FLRT2: variants seen among roughly 807,000 people sequenced by gnomAD.
FLRT2 encodes leucine-rich repeat transmembrane protein FLRT2.
A neutral mutation model predicts 40.0 loss-of-function variants in FLRT2; 15 were observed. That is an observed-to-expected ratio of 0.38 (90% CI 0.25 to 0.58). FLRT2 has a LOEUF of 0.58. Ranked by LOEUF, FLRT2 falls within the 20% of genes least tolerant of loss-of-function variation. FLRT2 has a pLI of 0.71. For missense variants in FLRT2, 726 were observed against 840.0 expected, an observed-to-expected ratio of 0.86 and a Z score of 1.68; for synonymous variants, 380 against 336.8, an observed-to-expected ratio of 1.13 and a Z score of -1.41.
intron 1 of FLRT2, among the ~76,000 whole-genome samples, chr14:85,548,167 C>T (rs919714801): frequency 2.0e-5 from 3 of 152,166 alleles, no homozygotes; most frequent in African/African-American, 7.2e-5. Context: ...GGTGTGTGGC[C>T]TCAACCTACT....
At position 85,535,178 on chromosome 14, in the gene FLRT2, G is replaced by C. The variant is rs1011469837; in HGVS notation, c.-377+4644G>C. Reference sequence around the variant, plus strand: ...AGCTGGGAGGCTCTTTAATCACACAGGGTTTCAGGGCGCTTTGGAGCATGT... The same window carrying C: ...AGCTGGGAGGCTCTTTAATCACACACGGTTTCAGGGCGCTTTGGAGCATGT... On this transcript the variant is annotated intron_variant, in intron 1 of 1. Coordinates refer to ENST00000330753, the MANE Select transcript of FLRT2 (RefSeq NM_013231.6). Among the ~76,000 whole-genome samples the C allele has an allele frequency of 8.5e-5, 13 of 152,186 alleles. 1 individual carries two copies. Among genetic ancestry groups the C allele is most frequent in the African/African-American group, 3.1e-4 (13 of 41,440 alleles).
intron 1 of FLRT2, among the ~76,000 whole-genome samples, chr14:85,561,745 C>A (rs574529351): frequency 9.6e-4 from 146 of 152,270 alleles, no homozygotes; most frequent in African/African-American, 3.4e-3. Context: ...AGAATCGTAC[C>A]AGAAGCCTTT....
chr14:85,626,657 A>T lies in FLRT2; in HGVS notation c.*3160A>T, dbSNP rs1188244026. 6.0e-6 allele frequency: 1 copy of T among 167,126 alleles called. No individual in the cohort carries two copies. Among genetic ancestry groups the T allele is most frequent in the Non-Finnish European group, 1.5e-5 (1 of 68,130 alleles). The allele number at this position is 167,126 out of a possible 1,614,324, so 10.4% of individuals were successfully genotyped here. Reference sequence around the variant, plus strand: ...GTCAGATGCATTAGCAGCCCACTGCATGGGACAATCGCAGGCAGATACGAG... The same window carrying T: ...GTCAGATGCATTAGCAGCCCACTGCTTGGGACAATCGCAGGCAGATACGAG... On this transcript the variant is annotated 3_prime_UTR_variant, in exon 2 of 2. Coordinates refer to ENST00000330753, the MANE Select transcript of FLRT2 (RefSeq NM_013231.6).
chr14:85,578,180 T>TATATTTATATATATTTATATAAAAATA (rs1566737032), intron 1 of FLRT2, among the ~76,000 whole-genome samples: 1 of 90,964 alleles, frequency 1.1e-5, no homozygotes. Flanking sequence ...AAAAATATCT[T>TATATTTATATATATTTATATAAAAATA]TATATATATT....
At chr14:85,573,806 A>G (rs371754818) in intron 1 of FLRT2, among the ~76,000 whole-genome samples, 1 of 152,250 alleles carries the variant, frequency 6.6e-6, no homozygotes, top group African/African-American at 2.4e-5. Flanking sequence ...TTGGGTTTAC[A>G]TGATCTCCTT....
chr14:85,583,929 A>G (rs181105369), intron 1 of FLRT2, among the ~76,000 whole-genome samples: 2 of 151,726 alleles, frequency 1.3e-5, no homozygotes, highest in Non-Finnish European at 2.9e-5. Flanking sequence ...GTTTGAAGCC[A>G]GCCTGGGCAA....
intron 1 of FLRT2, among the ~76,000 whole-genome samples, chr14:85,537,629 A>G (rs965910860): frequency 2.6e-5 from 4 of 151,992 alleles, no homozygotes; most frequent in Admixed American, 2.6e-4. Context: ...ACACACACAT[A>G]CATCAAGAAC....
At chr14:85,543,665 T>TGGG (rs376439413) in intron 1 of FLRT2, among the ~76,000 whole-genome samples, 4 of 152,308 alleles carry the variant, frequency 2.6e-5, no homozygotes, top group African/African-American at 9.6e-5. Flanking sequence ...ACCTCATTGT[T>TGGG]CAGCACCCAT....
intron 1 of FLRT2, among the ~76,000 whole-genome samples, chr14:85,553,166 G>A (rs1955417): frequency 0.96 from 145,728 of 152,294 alleles, 69,767 homozygotes; most frequent in Middle Eastern, 0.99. Flanking sequence ...TATGAAATGC[G>A]TACCCAGCTC....
At chr14:85,609,841 A>C (rs1892782776) in intron 1 of FLRT2, among the ~76,000 whole-genome samples, 1 of 152,128 alleles carries the variant, frequency 6.6e-6, no homozygotes, top group Non-Finnish European at 1.5e-5. Flanking sequence ...TAACTTTTTT[A>C]TTGCTAGGGT....
At chr14:85,550,880 A>T (rs565586806) in intron 1 of FLRT2, among the ~76,000 whole-genome samples, 1 of 152,122 alleles carries the variant, frequency 6.6e-6, no homozygotes, top group Non-Finnish European at 1.5e-5. Flanking sequence ...TTTATTAGCG[A>T]CCCTTAAAAA....
chr14:85,582,071 A>T (rs1891411521), intron 1 of FLRT2, among the ~76,000 whole-genome samples: 1 of 152,180 alleles, frequency 6.6e-6, no homozygotes, highest in South Asian at 2.1e-4. Flanking sequence ...GTGCTTACAT[A>T]ATGTTAACTA....
intron 1 of FLRT2, among the ~76,000 whole-genome samples, chr14:85,620,088 G>A (rs1381403481): frequency 6.6e-6 from 1 of 152,174 alleles, no homozygotes; most frequent in South Asian, 2.1e-4. Flanking sequence ...CTGGAGCTTA[G>A]TCATTCTCCT....
chr14:85,648,881 C>T lies in FLRT2; in HGVS notation c.*25384C>T, dbSNP rs1463985171. ...GATAAGGACTTAACACAATGCTTGG[C>T]ACATAAGAGGAATTAAATAACATTT... On this transcript the variant is annotated 3_prime_UTR_variant, in exon 2 of 2. Transcript: ENST00000330753. 6.6e-6 allele frequency: 1 copy of T among 152,088 alleles called. No individual in the cohort carries two copies. The highest frequency in any genetic ancestry group is 1.9e-4 in the East Asian group (1 of 5,198). 9.4% of individuals were successfully genotyped at this position (152,088 alleles called of 1,614,324 possible).
intron 1 of FLRT2, chr14:85,559,556 A>G (rs1373834209): frequency 6.6e-6 from 1 of 152,228 alleles, no homozygotes; most frequent in Admixed American, 6.5e-5. Context: ...TGCTTGTAGT[A>G]AAGATTGTAT....
rs867934312 is a variant in FLRT2, at chr14:85,581,265, G to A, written c.-376-39874G>A. Among the ~76,000 whole-genome samples, 6 of 152,284 alleles carry A rather than the reference G, an allele frequency of 3.9e-5. No homozygotes were observed. In the Middle Eastern group the frequency reaches 0.017, roughly 432 times the overall value. ...TTCCCATTTGTTTGAAGATGGTCGA[G>A]GGCAGCAGCAGTCCTTGAGTCTTCC... is the stretch of plus-strand genomic sequence containing the variant. On this transcript the variant is annotated intron_variant, in intron 1 of 1. Coordinates refer to ENST00000330753, the MANE Select transcript of FLRT2 (RefSeq NM_013231.6).
chr14:85,652,870 A>T lies in FLRT2; in HGVS notation c.*29373A>T, dbSNP rs1313803029. 1 of 152,206 alleles carries T rather than the reference A, an allele frequency of 6.6e-6. No homozygotes were observed. Among genetic ancestry groups the T allele is most frequent in the Non-Finnish European group, 1.5e-5 (1 of 68,028 alleles). The allele number at this position is 152,206 out of a possible 1,614,324, so 9.4% of individuals were successfully genotyped here. A position where few individuals can be genotyped will look rare whatever the true frequency, so the allele number is the denominator to read the frequency against. Reference sequence around the variant, plus strand: ...TTAAAGTATTTTTTGCTCATTAATCAATGTAAGAACACCTTACTTTACATT... The same window carrying T: ...TTAAAGTATTTTTTGCTCATTAATCTATGTAAGAACACCTTACTTTACATT... On this transcript the variant is annotated 3_prime_UTR_variant, in exon 2 of 2. Transcript: ENST00000330753.
chr14:85,602,220 A>G (rs1892407499), intron 1 of FLRT2, among the ~76,000 whole-genome samples: 1 of 152,194 alleles, frequency 6.6e-6, no homozygotes, highest in South Asian at 2.1e-4. Context: ...TATTACACAA[A>G]AATACACATG....
At chr14:85,536,941 A>T (rs908516520) in intron 1 of FLRT2, among the ~76,000 whole-genome samples, 1 of 152,212 alleles carries the variant, frequency 6.6e-6, no homozygotes, top group East Asian at 1.9e-4. Context: ...TTTGGGACTC[A>T]CAATGCTGCT....
Sources: allele counts gnomAD v4.1 joint callset (sites outside exome capture counted in the v4.1 genomes callset), GRCh38; gene constraint gnomAD v4.1.1; transcripts MANE v1.5; gene names NCBI Gene and HGNC (gene_info 2026-07-23, HGNC 2026-07-21).